Variants in RANBP3L observed in about 807,000 individuals in gnomAD.
The protein encoded by RANBP3L is ran-binding protein 3-like.
A neutral mutation model predicts 67.2 loss-of-function variants in RANBP3L; 56 were observed. The observed-to-expected ratio is 0.83, with a 90% CI of 0.67 to 1.04. The LOEUF (loss-of-function observed/expected upper bound fraction) is 1.04, where lower values mean the gene tolerates loss of function less well. Among genes scored for constraint, RANBP3L ranks in the 50% least tolerant of loss-of-function variants. The pLI, the probability that RANBP3L is intolerant of heterozygous loss-of-function variation, is 0.00. For synonymous variants in RANBP3L, 164 were observed against 181.4 expected, an observed-to-expected ratio of 0.90 and a Z score of 0.77; for missense variants, 496 against 535.5, an observed-to-expected ratio of 0.93 and a Z score of 0.73.
intron 1 of RANBP3L, among the ~76,000 whole-genome samples, chr5:36,298,182 C>T (rs1752364635): frequency 6.6e-6 from 1 of 151,598 alleles, no homozygotes; most frequent in African/African-American, 2.4e-5. Context: ...TGCCTGTAGT[C>T]CGAGCTACTC....
At position 36,294,162 on chromosome 5, in the gene RANBP3L, C is replaced by A. The variant is rs535285122; in HGVS notation, c.91+7164G>T. On this transcript the variant is annotated intron_variant, in intron 1 of 13. Transcript: ENST00000296604. Reference sequence around the variant, plus strand: ...TATGTATCGAGGAATTTATCCATTTCTTCTAGATTTTCTAGTTTATTTGCG... The same window carrying A: ...TATGTATCGAGGAATTTATCCATTTATTCTAGATTTTCTAGTTTATTTGCG... Among the ~76,000 whole-genome samples the A allele has an allele frequency of 2.6e-5, 4 of 152,212 alleles. No individual in the cohort carries two copies. In the East Asian group the frequency reaches 5.8e-4, roughly 22 times the overall value.
intron 2 of RANBP3L, 148 bp from the exon 3 acceptor site, chr5:36,270,138 G>A: frequency 1.4e-6 from 1 of 708,652 alleles, no homozygotes; most frequent in Non-Finnish European, 2.5e-6. Flanking sequence ...TTTCCACCCT[G>A]CCACTTTACA....
chr5:36,264,503 T>C (rs1362542979), intron 6 of RANBP3L, among the ~76,000 whole-genome samples: 1 of 152,204 alleles, frequency 6.6e-6, no homozygotes, highest in Non-Finnish European at 1.5e-5. Context: ...CCCTCCCAAC[T>C]ACACTGTATA....
At position 36,255,607 on chromosome 5, in the gene RANBP3L, T is replaced by A; in HGVS notation, c.904-17A>T. The A allele has an allele frequency of 1.3e-6, 2 of 1,585,442 alleles. No homozygotes were observed. Among genetic ancestry groups the A allele is most frequent in the South Asian group, 1.1e-5 (1 of 87,982 alleles). On this transcript the variant is annotated splice_polypyrimidine_tract_variant and intron_variant, in intron 10 of 13. Coordinates refer to ENST00000296604, the MANE Select transcript of RANBP3L (RefSeq NM_145000.5). Reference sequence around the variant, plus strand: ...GCAGTTTATCTAAATGACAATTTTTTAAAATGTCAAATATATAGAAAATTT... The same window carrying A: ...GCAGTTTATCTAAATGACAATTTTTAAAAATGTCAAATATATAGAAAATTT...
intron 1 of RANBP3L, among the ~76,000 whole-genome samples, chr5:36,296,891 A>G (rs1275514105): frequency 6.6e-6 from 1 of 152,016 alleles, no homozygotes; most frequent in African/African-American, 2.4e-5. Flanking sequence ...AATGGACTCA[A>G]CTGCAGAATT....
Position 36,251,374 on chromosome 5 carries a change from CA to C in RANBP3L, c.1292del (p.Leu431Ter). On this transcript the variant is annotated frameshift_variant, in exon 13 of 14. Coordinates refer to ENST00000296604, the MANE Select transcript of RANBP3L (RefSeq NM_145000.5). LOFTEE classifies it high-confidence loss of function. ...AESLSETAQQ[L>X]NCESCDENED... ...CATTCTCATCACAGCTTTCGCAGTTCAATTGTTGGGCTGTTTCTGACAGGCT... is the reference window on the plus strand; with the variant it reads ...CATTCTCATCACAGCTTTCGCAGTTCATTGTTGGGCTGTTTCTGACAGGCT... 1 of 1,613,388 alleles carries C rather than the reference CA, an allele frequency of 6.2e-7. No individual in the cohort carries two copies. Among genetic ancestry groups the C allele is most frequent in the Non-Finnish European group, 8.5e-7 (1 of 1,179,578 alleles).
At chr5:36,290,381 T>G (rs1751639920) in intron 1 of RANBP3L, among the ~76,000 whole-genome samples, 1 of 151,912 alleles carries the variant, frequency 6.6e-6, no homozygotes. Flanking sequence ...CACACCTGGC[T>G]AATTTTTGTA....
At chr5:36,277,438 ATATGTGTGTGTGTG>A (rs776157488) in intron 1 of RANBP3L, among the ~76,000 whole-genome samples, 20 of 82,252 alleles carry the variant, frequency 2.4e-4, no homozygotes, top group African/African-American at 5.9e-4. Context: ...ATATATATAT[ATATGTGTGTGTGTG>A]TGTGTGTGTG....
At chr5:36,260,422 G>A (rs1749297120) in intron 8 of RANBP3L, among the ~76,000 whole-genome samples, 1 of 147,898 alleles carries the variant, frequency 6.8e-6, no homozygotes, top group Admixed American at 6.7e-5. Context: ...GTTACAAAAT[G>A]ATGACATCGA....
chr5:36,262,615 A>G lies in RANBP3L; in HGVS notation c.481-573T>C, dbSNP rs1039289615. 3.9e-5 allele frequency among the ~76,000 whole-genome samples: 6 copies of G among 152,254 alleles called. No homozygotes were observed. The East Asian group carries it at 1.2e-3, about 29-fold the overall frequency. ...GAAATTTAGAATTGGAAGGAACCCT[A>G]TACATTATCTGATCTAGTATTTACA... is the stretch of plus-strand genomic sequence containing the variant. On this transcript the variant is annotated intron_variant, in intron 6 of 13. Coordinates refer to ENST00000296604, the MANE Select transcript of RANBP3L (RefSeq NM_145000.5).
At chr5:36,289,624 C>T (rs1195747543) in intron 1 of RANBP3L, among the ~76,000 whole-genome samples, 3 of 152,022 alleles carry the variant, frequency 2.0e-5, no homozygotes, top group Non-Finnish European at 4.4e-5. Flanking sequence ...TAAATTAATC[C>T]GTATTTCCTT....
intron 7 of RANBP3L, among the ~76,000 whole-genome samples, chr5:36,261,600 A>G (rs1416724717): frequency 1.3e-5 from 2 of 152,184 alleles, no homozygotes; most frequent in African/African-American, 2.4e-5. Context: ...TATAATGCCA[A>G]AATAAAAGAA....
intron 1 of RANBP3L, among the ~76,000 whole-genome samples, chr5:36,284,246 T>A (rs1170233688): frequency 6.6e-6 from 1 of 152,226 alleles, no homozygotes; most frequent in Non-Finnish European, 1.5e-5. Flanking sequence ...AAAGTCTAGA[T>A]CTTATTCCTA....
At chr5:36,284,275 T>C (rs1751181201) in intron 1 of RANBP3L, among the ~76,000 whole-genome samples, 1 of 152,190 alleles carries the variant, frequency 6.6e-6, no homozygotes, top group Non-Finnish European at 1.5e-5. Flanking sequence ...TGTTTGTTTA[T>C]TGCCATCCAC....
chr5:36,284,822 T>A (rs1387996605), intron 1 of RANBP3L, among the ~76,000 whole-genome samples: 1 of 152,240 alleles, frequency 6.6e-6, no homozygotes, highest in Non-Finnish European at 1.5e-5. Context: ...AAATATACCC[T>A]TTTGGGAGAC....
intron 3 of RANBP3L, 33 bp from the exon 4 acceptor site, chr5:36,269,500 C>G: frequency 8.1e-7 from 1 of 1,236,368 alleles, no homozygotes; most frequent in Non-Finnish European, 1.2e-6. Flanking sequence ...GCTAAAATTA[C>G]TTGTGATAAT....
At chr5:36,271,127 G>T in intron 2 of RANBP3L, 126 bp downstream of exon 2, 1 of 655,794 alleles carries the variant, frequency 1.5e-6, no homozygotes, top group Non-Finnish European at 2.7e-6. Context: ...TAATCTGGAG[G>T]CACTACTCTG....
chr5:36,266,859 C>T (rs778997532), intron 4 of RANBP3L, among the ~76,000 whole-genome samples: 3 of 151,932 alleles, frequency 2.0e-5, no homozygotes, highest in Admixed American at 6.6e-5. Flanking sequence ...TGGGTTCAAG[C>T]GATTCTCTTG....
chr5:36,259,626 G>C (rs1253204387), intron 8 of RANBP3L, among the ~76,000 whole-genome samples: 2 of 151,910 alleles, frequency 1.3e-5, no homozygotes. Context: ...TAACGAGTTG[G>C]TTCTTTTATT....
Sources: gnomAD v4.1 joint callset for allele counts (sites outside exome capture counted in the v4.1 genomes callset) on GRCh38, gnomAD v4.1.1 for gene constraint, MANE v1.5 for transcripts, NCBI Gene and HGNC (gene_info 2026-07-23, HGNC 2026-07-21) for gene names.